Variants in DCC observed in about 807,000 individuals in gnomAD.
DCC encodes the protein DCC netrin 1 receptor, also known as netrin receptor DCC.
A neutral mutation model predicts 172.5 loss-of-function variants in DCC; 58 were observed. The observed-to-expected ratio is 0.34, with a 90% CI of 0.27 to 0.42. The LOEUF is 0.42. Ranked by LOEUF, DCC falls within the 10% of genes least tolerant of loss-of-function variation. The pLI is 1.00. For synonymous variants in DCC, 709 were observed against 644.5 expected (o/e 1.10, Z -1.52); for missense variants, 1,740 against 1,791.0 (o/e 0.97, Z 0.51).
intron 5 of DCC, among the ~76,000 whole-genome samples, chr18:53,028,028 T>A (rs541843592): frequency 6.6e-6 from 1 of 152,226 alleles, no homozygotes; most frequent in African/African-American, 2.4e-5. Flanking sequence ...TTAGGGAACA[T>A]TTAGCAGTAA....
intron 25 of DCC, among the ~76,000 whole-genome samples, chr18:53,481,844 G>A (rs1311428879): frequency 6.6e-6 from 1 of 152,296 alleles, no homozygotes; most frequent in East Asian, 1.9e-4. Context: ...AGGGAGCTAA[G>A]TAATTTGGTG....
At chr18:52,907,983 G>C (rs188908572) in intron 3 of DCC, among the ~76,000 whole-genome samples, 1 of 152,252 alleles carries the variant, frequency 6.6e-6, no homozygotes, top group East Asian at 1.9e-4. Context: ...TAATTAGTTA[G>C]AATCTCATGT....
chr18:52,821,633 A>G (rs1374215985), intron 2 of DCC, among the ~76,000 whole-genome samples: 1 of 152,208 alleles, frequency 6.6e-6, no homozygotes, highest in Non-Finnish European at 1.5e-5. Context: ...TGGGAAATCC[A>G]ATGGTCTGCC....
At chr18:52,610,165 AAAAAAAAAAAAAAATATAT>A (rs2034228817) in intron 1 of DCC, among the ~76,000 whole-genome samples, 3 of 22,916 alleles carry the variant, frequency 1.3e-4, no homozygotes, top group African/African-American at 4.2e-4. Context: ...AAAAAAAAAA[AAAAAAAAAAAAAAATATAT>A]ATATATATAT....
chr18:53,030,257 A>C (rs911522875), intron 5 of DCC, among the ~76,000 whole-genome samples: 2 of 152,188 alleles, frequency 1.3e-5, no homozygotes, highest in Non-Finnish European at 2.9e-5. Flanking sequence ...AGAATAAGAG[A>C]GATAAAAGTA....
intron 1 of DCC, among the ~76,000 whole-genome samples, chr18:52,739,190 G>A (rs539655805): frequency 2.0e-4 from 30 of 152,208 alleles, no homozygotes; most frequent in South Asian, 4.2e-4. Flanking sequence ...CATGCAGTCC[G>A]TCATTAACCA....
chr18:52,797,958 T>TGG (rs1267217432), intron 2 of DCC, among the ~76,000 whole-genome samples: 1 of 152,060 alleles, frequency 6.6e-6, no homozygotes, highest in South Asian at 2.1e-4. Context: ...GCACCACTGG[T>TGG]GGTGGTGGGT....
At chr18:53,483,958 CATAG>C (rs56285631) in intron 25 of DCC, among the ~76,000 whole-genome samples, 50,528 of 144,330 alleles carry the variant, frequency 0.35, 8,903 homozygotes, top group South Asian at 0.46. Context: ...CCTATGTTTG[CATAG>C]ATAGATAGAT....
chr18:53,341,721 C>T (rs1020506312), intron 15 of DCC, among the ~76,000 whole-genome samples: 26 of 152,088 alleles, frequency 1.7e-4, no homozygotes, highest in Non-Finnish European at 3.8e-4. Flanking sequence ...TGTGTTTTCA[C>T]TATTTAGCCA....
At chr18:53,281,916 G>A (rs960018723) in intron 12 of DCC, among the ~76,000 whole-genome samples, 1 of 152,012 alleles carries the variant, frequency 6.6e-6, no homozygotes, top group African/African-American at 2.4e-5. Context: ...GCTACGCTGG[G>A]GTAGGATAAA....
chr18:52,353,283 A>AG (rs5824930), intron 1 of DCC, among the ~76,000 whole-genome samples: 114,073 of 151,982 alleles, frequency 0.75, 42,893 homozygotes, highest in East Asian at 0.88. Context: ...ATCAATACTC[A>AG]TATAAGAACG....
At chr18:53,370,798 G>A (rs2058053372) in intron 15 of DCC, among the ~76,000 whole-genome samples, 1 of 151,778 alleles carries the variant, frequency 6.6e-6, no homozygotes, top group African/African-American at 2.4e-5. Context: ...TGGAAAATGG[G>A]AAGAATGTGT....
intron 2 of DCC, among the ~76,000 whole-genome samples, chr18:52,827,673 T>C (rs1015670314): frequency 2.6e-5 from 4 of 152,228 alleles, no homozygotes; most frequent in African/African-American, 9.6e-5. Context: ...ACAATAGCTC[T>C]TCTACTACTA....
chr18:52,789,768 G>A (rs928105771), intron 2 of DCC, among the ~76,000 whole-genome samples: 4 of 152,152 alleles, frequency 2.6e-5, no homozygotes, highest in Non-Finnish European at 5.9e-5. Flanking sequence ...CAGCCCCTAA[G>A]CTATCCTTGC....
At chr18:53,457,350 G>C (rs1333465611) in intron 23 of DCC, among the ~76,000 whole-genome samples, 1 of 152,130 alleles carries the variant, frequency 6.6e-6, no homozygotes, top group Non-Finnish European at 1.5e-5. Flanking sequence ...TTGTAAGCAA[G>C]GGGAAACCAG....
At chr18:53,427,823 TAATA>T (rs1199048537) in intron 21 of DCC, among the ~76,000 whole-genome samples, 1 of 100,534 alleles carries the variant, frequency 9.9e-6, no homozygotes, top group Non-Finnish European at 2.3e-5. Flanking sequence ...TATAATATAT[TAATA>T]TATGATATAT....
Position 53,063,479 on chromosome 18 carries a change from T to G in DCC, c.1140+20T>G. ...ATAGTGGTAATTATTTTGTTTCATA[T>G]TTGTTTTATAATCCCATTCATTGTT... On this transcript the variant is annotated intron_variant, in intron 6 of 28. Transcript: ENST00000442544. 1 of 1,561,026 alleles carries G rather than the reference T, an allele frequency of 6.4e-7. No homozygotes were observed. The highest frequency in any genetic ancestry group is 8.8e-7 in the Non-Finnish European group (1 of 1,132,340).
chr18:53,014,969 T>A, intron 5 of DCC, among the ~76,000 whole-genome samples: 1 of 152,196 alleles, frequency 6.6e-6, no homozygotes, highest in East Asian at 1.9e-4. Context: ...ATATGTGTTC[T>A]TCCCCTACAC....
intron 2 of DCC, among the ~76,000 whole-genome samples, chr18:52,848,396 A>T (rs891075892): frequency 6.6e-6 from 1 of 151,982 alleles, no homozygotes; most frequent in Non-Finnish European, 1.5e-5. Context: ...CGACTTTTCT[A>T]ATGTTTTTGA....
Sources: allele counts gnomAD v4.1 joint callset (sites outside exome capture counted in the v4.1 genomes callset), GRCh38; gene constraint gnomAD v4.1.1; transcripts MANE v1.5; gene names NCBI Gene and HGNC (gene_info 2026-07-23, HGNC 2026-07-21).